LYG1: variants seen among roughly 807,000 people sequenced by gnomAD.
The protein encoded by LYG1 is lysozyme g-like protein 1.
Under a neutral mutation model 21.7 loss-of-function variants are expected in LYG1, and 17 were observed. That is an observed-to-expected ratio of 0.78 (90% CI 0.54 to 1.18). LYG1 has a LOEUF of 1.18. LYG1 is among the 50% of genes most tolerant of loss of function. The pLI is 0.00. For synonymous variants in LYG1, 81 were observed against 87.4 expected (o/e 0.93, Z 0.41); for missense variants, 211 against 238.1 (o/e 0.89, Z 0.75).
chr2:99,293,909 TTTAATTAATTAA>T (rs577473961), intron 3 of LYG1, among the ~76,000 whole-genome samples: 2 of 152,072 alleles, frequency 1.3e-5, no homozygotes, highest in African/African-American at 4.8e-5. Context: ...TAGATTACTC[TTTAATTAATTAA>T]TTAATTAATT....
intron 3 of LYG1, 51 bp from the exon 4 acceptor site, chr2:99,292,691 T>C: frequency 8.8e-7 from 1 of 1,138,062 alleles, no homozygotes; most frequent in Non-Finnish European, 1.3e-6. Flanking sequence ...TTCTCATCAT[T>C]CTTCTGTCCA....
chr2:99,292,695 C>T (rs779241395), intron 3 of LYG1, 55 bp from the exon 4 acceptor site: 97 of 1,092,630 alleles, frequency 8.9e-5, no homozygotes, highest in Non-Finnish European at 1.3e-4. Context: ...CATCATTCTT[C>T]TGTCCATGAA....
chr2:99,294,316 CAT>C (rs754118503), intron 3 of LYG1, among the ~76,000 whole-genome samples: 1 of 152,202 alleles, frequency 6.6e-6, no homozygotes, highest in African/African-American at 2.4e-5. Flanking sequence ...TGCCTATAAT[CAT>C]ATGTGTCCTG....
At chr2:99,289,925 C>T (rs1251534221) in intron 5 of LYG1, among the ~76,000 whole-genome samples, 1 of 152,018 alleles carries the variant, frequency 6.6e-6, no homozygotes, top group Non-Finnish European at 1.5e-5. Flanking sequence ...GTGGCATGAT[C>T]TCAGCTCACT....
intron 3 of LYG1, among the ~76,000 whole-genome samples, chr2:99,292,963 C>T (rs1196915876): frequency 1.4e-5 from 2 of 146,732 alleles, no homozygotes; most frequent in Non-Finnish European, 3.0e-5. Flanking sequence ...GATTTGTTCC[C>T]TGTAAAGTAG....
rs1574875859 is a variant in LYG1 at position 99,284,244 on chromosome 2, T to A, written c.*149A>T. On this transcript the variant is annotated 3_prime_UTR_variant, in exon 7 of 7. Transcript: ENST00000308528. Reference sequence around the variant, plus strand: ...ATACACTACATATTATAAATGCAGGTCAAAATTCTTCCTTTAATGTGATTC... The same window carrying A: ...ATACACTACATATTATAAATGCAGGACAAAATTCTTCCTTTAATGTGATTC... The A allele has an allele frequency of 1.5e-6, 1 of 680,508 alleles. No individual in the cohort carries two copies. The highest frequency in any genetic ancestry group is 2.6e-5 in the East Asian group (1 of 38,752). The allele number at this position is 680,508 out of a possible 1,614,324, so 42.2% of individuals were successfully genotyped here. A position where few individuals can be genotyped will look rare whatever the true frequency, so the allele number is the denominator to read the frequency against.
upstream of LYG1, among the ~76,000 whole-genome samples, chr2:99,303,417 T>C (rs1485962837): frequency 1.3e-5 from 2 of 152,060 alleles, no homozygotes; most frequent in East Asian, 1.9e-4. Flanking sequence ...GCAGCCAGCA[T>C]GTTGCCTGGC....
intron 5 of LYG1, 54 bp from the exon 6 acceptor site, chr2:99,284,874 C>G: frequency 6.3e-7 from 1 of 1,597,660 alleles, no homozygotes; most frequent in South Asian, 1.1e-5. Flanking sequence ...GAGGGTGATC[C>G]GGCTTACTGG....
In LYG1 at chr2:99,284,673, T is replaced by G. The variant is rs921056350; in HGVS notation, c.466+15A>C. 11 of 1,610,968 alleles carry G rather than the reference T, an allele frequency of 6.8e-6. No individual in the cohort carries two copies. The highest frequency in any genetic ancestry group is 1.6e-4 in the Middle Eastern group (1 of 6,062). On this transcript the variant is annotated intron_variant, in intron 6 of 6. Transcript: ENST00000308528. ...TTCTGTGCTTGAGACAACTGACTGATAGCGTTACACGTACCTCTCAGGTAC... is the reference window on the plus strand; with the variant it reads ...TTCTGTGCTTGAGACAACTGACTGAGAGCGTTACACGTACCTCTCAGGTAC...
chr2:99,286,261 T>C (rs931796076), intron 5 of LYG1, among the ~76,000 whole-genome samples: 2 of 152,228 alleles, frequency 1.3e-5, no homozygotes, highest in African/African-American at 4.8e-5. Context: ...TATTTAGGTA[T>C]TCTGTAATAA....
At chr2:99,299,625 A>G (rs2094148274) in intron 1 of LYG1, among the ~76,000 whole-genome samples, 2 of 151,788 alleles carry the variant, frequency 1.3e-5, no homozygotes, top group Admixed American at 6.6e-5. Context: ...GGGTTTCGCC[A>G]TGTTGGCCAG....
chr2:99,297,178 CA>C (rs1334003674), intron 2 of LYG1, among the ~76,000 whole-genome samples: 1 of 152,268 alleles, frequency 6.6e-6, no homozygotes, highest in East Asian at 1.9e-4. Flanking sequence ...GTCCCAACAC[CA>C]AAAAGATTCA....
chr2:99,284,248 A>G lies in LYG1; in HGVS notation c.*145T>C. 4.3e-6 allele frequency: 3 copies of G among 705,290 alleles called. No individual in the cohort carries two copies. The highest frequency in any genetic ancestry group is 2.5e-6 in the Non-Finnish European group (1 of 407,714). The allele number at this position is 705,290 out of a possible 1,614,324, so 43.7% of individuals were successfully genotyped here. On this transcript the variant is annotated 3_prime_UTR_variant, in exon 7 of 7. Coordinates refer to ENST00000308528, the MANE Select transcript of LYG1 (RefSeq NM_174898.3). ...ACTACATATTATAAATGCAGGTCAA[A>G]ATTCTTCCTTTAATGTGATTCATGT...
At chr2:99,299,112 A>C (rs1385144707) in intron 1 of LYG1, among the ~76,000 whole-genome samples, 2 of 151,686 alleles carry the variant, frequency 1.3e-5, no homozygotes, top group Middle Eastern at 3.2e-3. Flanking sequence ...TTTTTAGTAG[A>C]GATGGGGTTT....
At chr2:99,292,156 C>T (rs1183817414) in intron 4 of LYG1, among the ~76,000 whole-genome samples, 1 of 152,108 alleles carries the variant, frequency 6.6e-6, no homozygotes, top group Non-Finnish European at 1.5e-5. Context: ...CATGGTGGCA[C>T]ATGCCTGTAA....
At chr2:99,287,177 A>G (rs1286953983) in intron 5 of LYG1, among the ~76,000 whole-genome samples, 1 of 152,240 alleles carries the variant, frequency 6.6e-6, no homozygotes, top group African/African-American at 2.4e-5. Flanking sequence ...AGTAAGTTCT[A>G]GAGATCTGAT....
At chr2:99,289,370 C>A (rs983506349) in intron 5 of LYG1, among the ~76,000 whole-genome samples, 2 of 151,244 alleles carry the variant, frequency 1.3e-5, no homozygotes, top group African/African-American at 4.9e-5. Context: ...TGAGGAGGAT[C>A]GTGTGAGCCC....
chr2:99,303,572 C>A (rs1275028444), upstream of LYG1, among the ~76,000 whole-genome samples: 1 of 152,198 alleles, frequency 6.6e-6, no homozygotes, highest in African/African-American at 2.4e-5. Flanking sequence ...CCGGGACACT[C>A]CGCAGGCACA....
intron 2 of LYG1, among the ~76,000 whole-genome samples, chr2:99,296,957 G>A (rs930748047): frequency 6.6e-6 from 1 of 152,134 alleles, no homozygotes; most frequent in Admixed American, 6.5e-5. Flanking sequence ...GGTCAAGGGT[G>A]CAGTGAGCTA....
Sources: allele counts gnomAD v4.1 joint callset (sites outside exome capture counted in the v4.1 genomes callset), GRCh38; gene constraint gnomAD v4.1.1; transcripts MANE v1.5; gene names NCBI Gene and HGNC (gene_info 2026-07-23, HGNC 2026-07-21).